WDFY2: variants seen among roughly 807,000 people sequenced by gnomAD.
The protein encoded by WDFY2 is WD repeat and FYVE domain-containing protein 2.
In WDFY2, 36 loss-of-function variants were observed where a neutral mutation model predicts 56.4. The observed-to-expected ratio is 0.64, with a 90% CI of 0.49 to 0.84. The LOEUF (loss-of-function observed/expected upper bound fraction) is 0.84, where lower values mean the gene tolerates loss of function less well. Ranked by LOEUF, WDFY2 falls within the 40% of genes least tolerant of loss-of-function variation. The pLI, the probability that WDFY2 is intolerant of heterozygous loss-of-function variation, is 0.00. For missense variants in WDFY2, 444 were observed against 512.2 expected (o/e 0.87, Z 1.29); for synonymous variants, 176 against 183.7 (o/e 0.96, Z 0.34).
At chr13:51,639,351 TA>T (rs1225310568) in intron 1 of WDFY2, among the ~76,000 whole-genome samples, 4 of 152,198 alleles carry the variant, frequency 2.6e-5, no homozygotes, top group Non-Finnish European at 5.9e-5. Flanking sequence ...AGGTTGATTA[TA>T]GGAGGAGGGG....
chr13:51,703,775 G>T, intron 4 of WDFY2, 125 bp downstream of exon 4: 1 of 775,812 alleles, frequency 1.3e-6, no homozygotes, highest in East Asian at 3.1e-5. Flanking sequence ...CCTTTTGAGT[G>T]AGTGTTATCC....
At chr13:51,687,577 G>C (rs974135916) in intron 3 of WDFY2, among the ~76,000 whole-genome samples, 1 of 150,674 alleles carries the variant, frequency 6.6e-6, no homozygotes, top group African/African-American at 2.4e-5. Flanking sequence ...CAGCAGGAGT[G>C]TTTATAATAG....
intron 2 of WDFY2, among the ~76,000 whole-genome samples, chr13:51,670,091 A>G (rs529648755): frequency 1.1e-4 from 16 of 152,176 alleles, no homozygotes; most frequent in African/African-American, 3.1e-4. Flanking sequence ...GCTTCCTCTT[A>G]TTCTTCCTGC....
chr13:51,584,682 C>T lies in WDFY2; in HGVS notation c.-6C>T, dbSNP rs1245743548. 6.2e-7 allele frequency: 1 copy of T among 1,610,048 alleles called. No individual in the cohort carries two copies. Among genetic ancestry groups the T allele is most frequent in the Non-Finnish European group, 8.5e-7 (1 of 1,178,680 alleles). On this transcript the variant is annotated 5_prime_UTR_variant, in exon 1 of 12. Transcript: ENST00000298125. ...CGGCGGCGCCCCAGGCGCGCCCCCTCCTCCGATGGCGGCGGAGATCCAGCC... is the reference window on the plus strand; with the variant it reads ...CGGCGGCGCCCCAGGCGCGCCCCCTTCTCCGATGGCGGCGGAGATCCAGCC...
chr13:51,663,929 T>C (rs1566091422), intron 2 of WDFY2, among the ~76,000 whole-genome samples: 2 of 152,242 alleles, frequency 1.3e-5, no homozygotes, highest in African/African-American at 2.4e-5. Context: ...ATTCTGTGCA[T>C]TTATTAAAAT....
intron 6 of WDFY2, among the ~76,000 whole-genome samples, chr13:51,730,315 G>A (rs755917134): frequency 3.3e-5 from 5 of 152,154 alleles, no homozygotes; most frequent in Non-Finnish European, 7.3e-5. Flanking sequence ...AAACCTTGTC[G>A]TACTTAACTT....
intron 4 of WDFY2, among the ~76,000 whole-genome samples, chr13:51,709,416 G>A (rs1952159780): frequency 6.6e-6 from 1 of 152,200 alleles, no homozygotes; most frequent in South Asian, 2.1e-4. Flanking sequence ...GCTTCCGGAG[G>A]TGGGAGGATC....
At chr13:51,631,878 T>A (rs1191113591) in intron 1 of WDFY2, among the ~76,000 whole-genome samples, 3 of 152,252 alleles carry the variant, frequency 2.0e-5, no homozygotes, top group African/African-American at 7.2e-5. Context: ...GTTTCTCTTA[T>A]ACTTCTATTT....
intron 6 of WDFY2, among the ~76,000 whole-genome samples, chr13:51,731,453 A>T (rs1014095837): frequency 6.6e-6 from 1 of 152,246 alleles, no homozygotes; most frequent in Non-Finnish European, 1.5e-5. Flanking sequence ...TTATCAAGAA[A>T]TATATTTGAG....
intron 1 of WDFY2, among the ~76,000 whole-genome samples, chr13:51,640,324 A>G (rs1362798339): frequency 1.3e-5 from 2 of 152,244 alleles, no homozygotes; most frequent in South Asian, 2.1e-4. Flanking sequence ...GGCAATTTCA[A>G]ATATATACAA....
At chr13:51,756,552 G>A in intron 10 of WDFY2, 90 bp downstream of exon 10, 1 of 1,487,360 alleles carries the variant, frequency 6.7e-7, no homozygotes, top group South Asian at 1.4e-5. Flanking sequence ...CACTCAGGTT[G>A]CTCTAGTTTC....
chr13:51,634,042 G>C (rs1955001657), intron 1 of WDFY2, among the ~76,000 whole-genome samples: 1 of 152,158 alleles, frequency 6.6e-6, no homozygotes, highest in Non-Finnish European at 1.5e-5. Flanking sequence ...TAATTTCTAA[G>C]AGGTTAAATT....
chr13:51,644,337 G>C, intron 1 of WDFY2, among the ~76,000 whole-genome samples: 1 of 152,154 alleles, frequency 6.6e-6, no homozygotes, highest in Non-Finnish European at 1.5e-5. Flanking sequence ...ACTACTGACT[G>C]CTTAAGACAA....
intron 3 of WDFY2, among the ~76,000 whole-genome samples, chr13:51,699,497 C>A (rs750830524): frequency 1.3e-5 from 2 of 152,154 alleles, no homozygotes; most frequent in Non-Finnish European, 2.9e-5. Flanking sequence ...CTTTGCTTCA[C>A]GCTGTTTTTC....
chr13:51,734,145 A>G (rs1181654458), intron 6 of WDFY2, among the ~76,000 whole-genome samples: 1 of 152,200 alleles, frequency 6.6e-6, no homozygotes, highest in African/African-American at 2.4e-5. Flanking sequence ...ACACTCTGGG[A>G]AAGGCAGACC....
rs1955158210 is a variant in WDFY2 at position 51,641,562 on chromosome 13, C to T, written c.138-19034C>T. Among the ~76,000 whole-genome samples the T allele has an allele frequency of 4.6e-5, 7 of 151,490 alleles. No individual in the cohort carries two copies. The South Asian group carries it at 1.5e-3, about 31-fold the overall frequency. ...TTTTGTCGGGCCGGGCGCGGTGGCT[C>T]ACGCCTGTAATCCCAGCACTTTGGG... is the stretch of plus-strand genomic sequence containing the variant. On this transcript the variant is annotated intron_variant, in intron 1 of 11. Coordinates refer to ENST00000298125, the MANE Select transcript of WDFY2 (RefSeq NM_052950.4).
intron 1 of WDFY2, among the ~76,000 whole-genome samples, chr13:51,608,552 C>T (rs1954426670): frequency 4.6e-5 from 7 of 152,182 alleles, no homozygotes; most frequent in Admixed American, 4.6e-4. Flanking sequence ...TGTGGTGGCG[C>T]ATGCCTGTAA....
At chr13:51,628,090 T>C (rs1954871602) in intron 1 of WDFY2, among the ~76,000 whole-genome samples, 1 of 152,214 alleles carries the variant, frequency 6.6e-6, no homozygotes, top group Non-Finnish European at 1.5e-5. Context: ...GGGGTTTCAC[T>C]GGGGACCCAC....
At chr13:51,627,681 G>C (rs1954863537) in intron 1 of WDFY2, among the ~76,000 whole-genome samples, 1 of 152,176 alleles carries the variant, frequency 6.6e-6, no homozygotes, top group African/African-American at 2.4e-5. Flanking sequence ...ACCATGCCCA[G>C]CTGGGTCCGT....
Sources: gnomAD v4.1 joint callset for allele counts (sites outside exome capture counted in the v4.1 genomes callset) on GRCh38, gnomAD v4.1.1 for gene constraint, MANE v1.5 for transcripts, NCBI Gene and HGNC (gene_info 2026-07-23, HGNC 2026-07-21) for gene names.